The following SLC39A10 variants were observed in gnomAD, a reference collection of about 807,000 sequenced individuals.
The protein encoded by SLC39A10 is solute carrier family 39 member 10, also known as zinc transporter ZIP10.
In SLC39A10, 13 loss-of-function variants were observed where a neutral mutation model predicts 65.1. The observed-to-expected ratio is 0.20, with a 90% CI of 0.13 to 0.32. The LOEUF (loss-of-function observed/expected upper bound fraction) is 0.32. Among genes scored for constraint, SLC39A10 ranks in the 10% least tolerant of loss-of-function variants. The probability of loss-of-function intolerance (pLI) is 1.00; values close to 1 mark genes in which losing one functional copy is unlikely to be tolerated. For missense variants in SLC39A10, 831 were observed against 1,018.4 expected (o/e 0.82, Z 2.50); for synonymous variants, 321 against 342.2 (o/e 0.94, Z 0.68).
intron 2 of SLC39A10, among the ~76,000 whole-genome samples, chr2:195,622,111 A>C (rs1688360523): frequency 6.6e-6 from 1 of 152,132 alleles, no homozygotes; most frequent in Admixed American, 6.5e-5. Context: ...TATGCCTATA[A>C]TCCCAGCATT....
chr2:195,713,375 C>T (rs964891421), intron 5 of SLC39A10, 58 bp from the exon 6 acceptor site: 1 of 1,368,976 alleles, frequency 7.3e-7, no homozygotes, highest in Non-Finnish European at 9.7e-7. Flanking sequence ...AATATTGTTG[C>T]TAATTGTGTC....
chr2:195,730,328 T>C (rs1400888431), intron 9 of SLC39A10, among the ~76,000 whole-genome samples: 2 of 152,086 alleles, frequency 1.3e-5, no homozygotes, highest in Admixed American at 1.3e-4. Flanking sequence ...GGCTTCTGTT[T>C]GTTTGTTTAT....
intron 2 of SLC39A10, among the ~76,000 whole-genome samples, chr2:195,615,884 A>C (rs1162801016): frequency 6.6e-6 from 1 of 152,218 alleles, no homozygotes; most frequent in African/African-American, 2.4e-5. Flanking sequence ...GGCAGTGACC[A>C]CATTCTGCTT....
chr2:195,655,758 C>G (rs1356797402), upstream of SLC39A10, among the ~76,000 whole-genome samples: 1 of 152,174 alleles, frequency 6.6e-6, no homozygotes, highest in Non-Finnish European at 1.5e-5. Flanking sequence ...CATGCTCTGG[C>G]TTTCCAAACA....
intron 3 of SLC39A10, among the ~76,000 whole-genome samples, chr2:195,689,899 G>A (rs111769523): frequency 6.6e-5 from 10 of 152,070 alleles, no homozygotes; most frequent in East Asian, 1.9e-4. Context: ...CTTCCTGGCC[G>A]GTCACAGTGG....
intron 8 of SLC39A10, among the ~76,000 whole-genome samples, chr2:195,725,934 T>A (rs566685990): frequency 2.0e-4 from 31 of 152,316 alleles, no homozygotes; most frequent in African/African-American, 6.7e-4. Flanking sequence ...GATTGTTGGT[T>A]GCCTAAGGGC....
chr2:195,702,768 A>AG (rs1291508400), intron 3 of SLC39A10, among the ~76,000 whole-genome samples: 1 of 152,176 alleles, frequency 6.6e-6, no homozygotes, highest in Non-Finnish European at 1.5e-5. Context: ...TGGGCACAGG[A>AG]GTTTTGGCAC....
chr2:195,668,181 T>C (rs1164908264), intron 1 of SLC39A10, among the ~76,000 whole-genome samples: 5 of 152,202 alleles, frequency 3.3e-5, no homozygotes, highest in African/African-American at 1.2e-4. Context: ...TAAATTGATA[T>C]TTGACTACCT....
At chr2:195,706,941 A>G (rs1005049219) in intron 4 of SLC39A10, among the ~76,000 whole-genome samples, 156 bp downstream of exon 4, 1 of 152,122 alleles carries the variant, frequency 6.6e-6, no homozygotes, top group East Asian at 1.9e-4. Flanking sequence ...CAGAGTTTTA[A>G]TAGCAATATT....
intron 3 of SLC39A10, among the ~76,000 whole-genome samples, chr2:195,697,560 T>C (rs929817622): frequency 2.6e-5 from 4 of 152,120 alleles, no homozygotes; most frequent in Admixed American, 2.6e-4. Flanking sequence ...CCATTAGTTA[T>C]TTTTCCTGAT....
intron 2 of SLC39A10, among the ~76,000 whole-genome samples, chr2:195,641,322 A>T (rs1688807343): frequency 6.6e-6 from 1 of 152,226 alleles, no homozygotes; most frequent in African/African-American, 2.4e-5. Flanking sequence ...AAGGAAAAGC[A>T]TGACAGCTGA....
At chr2:195,673,740 C>A (rs2105756443) in intron 1 of SLC39A10, among the ~76,000 whole-genome samples, 1 of 152,288 alleles carries the variant, frequency 6.6e-6, no homozygotes, top group East Asian at 1.9e-4. Context: ...GCTTATGCTG[C>A]TCTCACAACC....
intron 1 of SLC39A10, among the ~76,000 whole-genome samples, chr2:195,673,542 A>G (rs1559026790): frequency 6.6e-6 from 1 of 152,170 alleles, no homozygotes; most frequent in Admixed American, 6.5e-5. Context: ...GCTTGCATCA[A>G]ACTCACTAGA....
At chr2:195,723,282 TA>T (rs1320701563) in intron 8 of SLC39A10, among the ~76,000 whole-genome samples, 1 of 152,210 alleles carries the variant, frequency 6.6e-6, no homozygotes, top group East Asian at 1.9e-4. Context: ...CGAACTTATG[TA>T]GCTGAATTTA....
chr2:195,653,856 G>T (rs545790995), upstream of SLC39A10, among the ~76,000 whole-genome samples: 5 of 152,318 alleles, frequency 3.3e-5, no homozygotes, highest in African/African-American at 1.2e-4. Context: ...CTTTATCATT[G>T]GTTATTACTA....
chr2:195,674,566 T>C (rs1392401804), intron 1 of SLC39A10: 1 of 985,210 alleles, frequency 1.0e-6, no homozygotes, highest in Non-Finnish European at 1.2e-6. Context: ...TGTGAACCAC[T>C]GCACCCGGCC....
chr2:195,679,016 G>C (rs1485580186), intron 1 of SLC39A10, among the ~76,000 whole-genome samples: 1 of 152,080 alleles, frequency 6.6e-6, no homozygotes, highest in Non-Finnish European at 1.5e-5. Context: ...CATGTTCTGC[G>C]TCTACGTTGT....
intron 5 of SLC39A10, among the ~76,000 whole-genome samples, chr2:195,713,176 A>G (rs1279826593): frequency 6.6e-6 from 1 of 152,224 alleles, no homozygotes; most frequent in Non-Finnish European, 1.5e-5. Flanking sequence ...ATAATTCAGT[A>G]CTGTGTGCTC....
chr2:195,721,851 C>T (rs1692057688), intron 8 of SLC39A10, among the ~76,000 whole-genome samples: 1 of 152,182 alleles, frequency 6.6e-6, no homozygotes, highest in African/African-American at 2.4e-5. Context: ...TGTCAGGCTA[C>T]TTCAAGTTTA....
Sources: allele counts gnomAD v4.1 joint callset (sites outside exome capture counted in the v4.1 genomes callset), GRCh38; gene constraint gnomAD v4.1.1; transcripts MANE v1.5; gene names NCBI Gene and HGNC (gene_info 2026-07-23, HGNC 2026-07-21).